Variants in RBFOX1 observed in about 807,000 individuals in gnomAD.
RBFOX1 encodes the protein RNA binding fox-1 homolog 1, also known as RNA binding protein fox-1 homolog 1.
In RBFOX1, 8 loss-of-function variants were observed where a neutral mutation model predicts 57.7. That is an observed-to-expected ratio of 0.14 (90% CI 0.08 to 0.25). The LOEUF (loss-of-function observed/expected upper bound fraction) is 0.25. RBFOX1 is among the 10% of genes least tolerant of loss of function. The pLI, the probability that RBFOX1 is intolerant of heterozygous loss-of-function variation, is 1.00. For synonymous variants in RBFOX1, 326 were observed against 222.4 expected (o/e 1.47, Z -4.15); for missense variants, 611 against 548.5 (o/e 1.11, Z -1.14).
At chr16:5,457,514 C>T (rs1246328645) in intron 1 of RBFOX1, among the ~76,000 whole-genome samples, 5 of 152,186 alleles carry the variant, frequency 3.3e-5, no homozygotes, top group African/African-American at 1.2e-4. Context: ...CCATTGGACC[C>T]ACCTCTGAAG....
At chr16:6,184,619 G>C (rs1270822452) in intron 1 of RBFOX1, among the ~76,000 whole-genome samples, 1 of 152,158 alleles carries the variant, frequency 6.6e-6, no homozygotes, top group Non-Finnish European at 1.5e-5. Context: ...GAGTGCAGTG[G>C]TGCGATCTCA....
intron 4 of RBFOX1, among the ~76,000 whole-genome samples, chr16:7,484,511 G>C (rs1033877103): frequency 1.3e-5 from 2 of 152,194 alleles, no homozygotes; most frequent in Non-Finnish European, 2.9e-5. Flanking sequence ...CACCCAGGCT[G>C]TAGTGCACTG....
At chr16:6,402,003 C>T (rs368754285) in intron 2 of RBFOX1, among the ~76,000 whole-genome samples, 2 of 151,358 alleles carry the variant, frequency 1.3e-5, no homozygotes, top group East Asian at 3.9e-4. Flanking sequence ...ACTGTCGAAA[C>T]GTTCCTCTGG....
chr16:6,422,193 A>G (rs1027845218), intron 2 of RBFOX1, among the ~76,000 whole-genome samples: 1 of 149,878 alleles, frequency 6.7e-6, no homozygotes, highest in Non-Finnish European at 1.5e-5. Context: ...AAATGTTGAC[A>G]TTACAAGTGT....
chr16:6,857,304 A>C (rs1012327869), intron 3 of RBFOX1, among the ~76,000 whole-genome samples: 1 of 152,196 alleles, frequency 6.6e-6, no homozygotes, highest in Non-Finnish European at 1.5e-5. Context: ...AGAAGAAGTC[A>C]ACACCTTTAC....
Position 6,492,464 on chromosome 16 carries a change from G to A in RBFOX1, c.-63-162139G>A, listed in dbSNP as rs546550352. Among the ~76,000 whole-genome samples, 34 of 152,266 alleles carry A rather than the reference G, an allele frequency of 2.2e-4. No individual in the cohort carries two copies. The South Asian group carries it at 4.6e-3, about 20-fold the overall frequency. On this transcript the variant is annotated intron_variant, in intron 2 of 15. Coordinates refer to ENST00000550418, the MANE Select transcript of RBFOX1 (RefSeq NM_018723.4). ...GTGCCTGTTAGTCCCAGCTATTCAGGAGGCTGAGGCAGGAGAATCGCTTGA... is the reference window on the plus strand; with the variant it reads ...GTGCCTGTTAGTCCCAGCTATTCAGAAGGCTGAGGCAGGAGAATCGCTTGA...
intron 4 of RBFOX1, among the ~76,000 whole-genome samples, chr16:7,370,379 TTGTGATGTG>T (rs1469225418): frequency 6.6e-6 from 1 of 152,138 alleles, no homozygotes; most frequent in Non-Finnish European, 1.5e-5. Context: ...TGGAGGTACA[TTGTGATGTG>T]TGTGACTCCT....
intron 2 of RBFOX1, among the ~76,000 whole-genome samples, chr16:5,520,938 G>C (rs530229983): frequency 6.6e-6 from 1 of 152,268 alleles, no homozygotes; most frequent in Non-Finnish European, 1.5e-5. Context: ...AGTTACACGA[G>C]GAGAGCCACA....
At chr16:6,040,887 C>A (rs936184894) in intron 1 of RBFOX1, among the ~76,000 whole-genome samples, 6 of 152,166 alleles carry the variant, frequency 3.9e-5, no homozygotes, top group South Asian at 2.1e-4. Context: ...AGCCACCACA[C>A]CCCACCCCTT....
At chr16:7,706,753 T>C (rs1167638915) in intron 14 of RBFOX1, among the ~76,000 whole-genome samples, 1 of 152,178 alleles carries the variant, frequency 6.6e-6, no homozygotes, top group Non-Finnish European at 1.5e-5. Flanking sequence ...TAACAGATTT[T>C]TCTCTGGACC....
At chr16:7,404,989 A>G (rs1047462261) in intron 4 of RBFOX1, among the ~76,000 whole-genome samples, 1 of 152,158 alleles carries the variant, frequency 6.6e-6, no homozygotes, top group Non-Finnish European at 1.5e-5. Flanking sequence ...ACTCCACAGC[A>G]GGAAAGATGC....
intron 3 of RBFOX1, among the ~76,000 whole-genome samples, chr16:5,743,301 G>T (rs1188343456): frequency 6.6e-6 from 1 of 152,142 alleles, no homozygotes; most frequent in African/African-American, 2.4e-5. Flanking sequence ...AGTTATACTG[G>T]CTGATGCTGC....
At chr16:5,866,054 G>A (rs1393677647) in intron 3 of RBFOX1, among the ~76,000 whole-genome samples, 2 of 152,130 alleles carry the variant, frequency 1.3e-5, no homozygotes, top group African/African-American at 4.8e-5. Flanking sequence ...TGCAACCTCT[G>A]CCTCCGCGGT....
chr16:7,038,650 C>G (rs956127701), intron 3 of RBFOX1, among the ~76,000 whole-genome samples: 1 of 152,094 alleles, frequency 6.6e-6, no homozygotes, highest in Non-Finnish European at 1.5e-5. Flanking sequence ...CAGCATCAAG[C>G]CTGAAGTGAA....
intron 3 of RBFOX1, among the ~76,000 whole-genome samples, chr16:6,846,484 AAATAAG>A (rs1384973492): frequency 2.0e-5 from 3 of 152,182 alleles, no homozygotes; most frequent in African/African-American, 4.8e-5. Flanking sequence ...AGGGAGAGAA[AAATAAG>A]ACCACAGCAA....
intron 9 of RBFOX1, among the ~76,000 whole-genome samples, chr16:7,606,197 C>G (rs887915512): frequency 2.0e-5 from 3 of 149,642 alleles, no homozygotes; most frequent in African/African-American, 7.4e-5. Context: ...TCTCAGCTCA[C>G]TGCAACCTCT....
chr16:6,902,298 T>C (rs895134410), intron 3 of RBFOX1, among the ~76,000 whole-genome samples: 1 of 152,160 alleles, frequency 6.6e-6, no homozygotes, highest in Non-Finnish European at 1.5e-5. Flanking sequence ...ACAACTGAAA[T>C]GGAAAGCTAC....
intron 3 of RBFOX1, among the ~76,000 whole-genome samples, chr16:6,992,837 C>A (rs200370574): frequency 9.7e-3 from 1,140 of 118,004 alleles, no homozygotes; most frequent in Middle Eastern, 0.014. Flanking sequence ...CTTCCTTTTC[C>A]AAAAAAAAAA....
chr16:7,004,528 A>G (rs78154905), intron 3 of RBFOX1, among the ~76,000 whole-genome samples: 25 of 152,316 alleles, frequency 1.6e-4, no homozygotes, highest in African/African-American at 6.0e-4. Context: ...CAAGAGAGAG[A>G]CCATCTCTTT....
Sources: gnomAD v4.1 joint callset for allele counts (sites outside exome capture counted in the v4.1 genomes callset) on GRCh38, gnomAD v4.1.1 for gene constraint, MANE v1.5 for transcripts, NCBI Gene and HGNC (gene_info 2026-07-23, HGNC 2026-07-21) for gene names.